Variants in NECTIN1 observed in about 807,000 individuals in gnomAD.
NECTIN1 encodes nectin cell adhesion molecule 1.
In NECTIN1, 23 loss-of-function variants were observed where a neutral mutation model predicts 48.0. The observed-to-expected ratio is 0.48, with a 90% confidence interval of 0.34 to 0.68. The LOEUF is 0.68. NECTIN1 is among the 30% of genes least tolerant of loss of function. NECTIN1 has a pLI of 0.01. For synonymous variants in NECTIN1, 270 were observed against 288.9 expected (o/e 0.93, Z 0.66); for missense variants, 591 against 709.9 (o/e 0.83, Z 1.90).
rs189774675 is a variant in NECTIN1 at position 119,661,084 on chromosome 11, G to T, written c.*3663C>A. 1.7e-5 allele frequency: 17 copies of T among 982,542 alleles called. No individual in the cohort carries two copies. The African/African-American group carries it at 2.8e-4, about 16-fold the overall frequency. The allele number at this position is 982,542 out of a possible 1,614,324, so 60.9% of individuals were successfully genotyped here. On this transcript the variant is annotated 3_prime_UTR_variant, in exon 6 of 6. Coordinates refer to ENST00000264025, the MANE Select transcript of NECTIN1 (RefSeq NM_002855.5). ...TTTTTTTTAATACAAGTAAAAGGGG[G>T]TGATGCAAACACCCCCCAGGTCAGA...
At chr11:119,710,340 C>T (rs542228051) in intron 1 of NECTIN1, among the ~76,000 whole-genome samples, 1 of 152,288 alleles carries the variant, frequency 6.6e-6, no homozygotes, top group South Asian at 2.1e-4. Flanking sequence ...CTTTGGAAAA[C>T]CAAGCAAGCA....
intron 1 of NECTIN1, among the ~76,000 whole-genome samples, chr11:119,707,860 C>T (rs1481146546): frequency 2.0e-5 from 3 of 152,210 alleles, no homozygotes; most frequent in Non-Finnish European, 4.4e-5. Context: ...CTTTAATTCA[C>T]AAAGCATTAC....
intron 1 of NECTIN1, chr11:119,687,190 T>C (rs1168592306): frequency 1.3e-5 from 2 of 152,052 alleles, no homozygotes; most frequent in Non-Finnish European, 2.9e-5. Flanking sequence ...CGACTTCTGC[T>C]TGCTTCCCCG....
chr11:119,685,892 A>G (rs1865146437), intron 1 of NECTIN1, among the ~76,000 whole-genome samples: 1 of 152,098 alleles, frequency 6.6e-6, no homozygotes, highest in African/African-American at 2.4e-5. Context: ...AATGGGGAAT[A>G]TTGGCTCTGA....
chr11:119,653,418 G>A (rs1470865459), intron 5 of NECTIN1, among the ~76,000 whole-genome samples: 3 of 152,182 alleles, frequency 2.0e-5, no homozygotes, highest in Non-Finnish European at 2.9e-5. Context: ...GCTGGCCTCA[G>A]TGTCCCCTGC....
intron 1 of NECTIN1, among the ~76,000 whole-genome samples, chr11:119,681,376 T>C (rs538977935): frequency 2.6e-5 from 4 of 152,284 alleles, no homozygotes; most frequent in African/African-American, 9.6e-5. Flanking sequence ...ATTGGTGCCA[T>C]GCATGGATTG....
At chr11:119,639,361 C>A in intron 6 of NECTIN1, 1 of 196,450 alleles carries the variant, frequency 5.1e-6, no homozygotes, top group Non-Finnish European at 1.1e-5. Context: ...ACAATGTGGA[C>A]GTTTTGTTCA....
At chr11:119,714,412 C>T (rs751779548) in intron 1 of NECTIN1, among the ~76,000 whole-genome samples, 6 of 152,192 alleles carry the variant, frequency 3.9e-5, no homozygotes, top group Non-Finnish European at 8.8e-5. Flanking sequence ...GCCAGGTCAC[C>T]CCACCTGCAG....
chr11:119,729,144 C>G lies in NECTIN1; in HGVS notation c.-591G>C, dbSNP rs1206958363. On this transcript the variant is annotated 5_prime_UTR_variant, in exon 1 of 6. Transcript: ENST00000264025. ...GCGCGTCCCAGCCGCCGCCGCTCTGCCGGGTGCCGGCGATCCGCAACAATG... is the reference window on the plus strand; with the variant it reads ...GCGCGTCCCAGCCGCCGCCGCTCTGGCGGGTGCCGGCGATCCGCAACAATG... 1 of 151,892 alleles carries G rather than the reference C, an allele frequency of 6.6e-6. No homozygotes were observed. Among genetic ancestry groups the G allele is most frequent in the Non-Finnish European group, 1.5e-5 (1 of 67,948 alleles). 9.4% of individuals were successfully genotyped at this position (151,892 alleles called of 1,614,324 possible). A position where few individuals can be genotyped will look rare whatever the true frequency, so the allele number is the denominator to read the frequency against.
In NECTIN1 at chr11:119,665,043, C is replaced by T. The variant is rs755806347; in HGVS notation, c.1258G>A (p.Asp420Asn). Residue 420 changes from aspartate (D) to asparagine (N), a missense_variant, in exon 6 of 6, where the codon GAC (aspartate) becomes AAC (asparagine). Physicochemically the swap from Asp to Asn is conservative, Grantham distance 23. Transcript: ENST00000264025. The surrounding 1 kb of genome is among the most constrained non-coding windows in gnomAD (Gnocchi z 5.1). ...GCCTTCTTCTCGTCGTCTGAGTCGT[C>T]GGGGTACTGCAGGTTCTGTGCCATT... is the stretch of plus-strand genomic sequence containing the variant. ...PPMAQNLQYP[D>N]DSDDEKKAGP... The T allele has an allele frequency of 9.9e-6, 16 of 1,613,866 alleles. No individual in the cohort carries two copies. The highest frequency in any genetic ancestry group is 3.3e-5 in the South Asian group (3 of 91,078).
chr11:119,649,036 A>G (rs1040721561), intron 5 of NECTIN1, among the ~76,000 whole-genome samples: 2 of 152,182 alleles, frequency 1.3e-5, no homozygotes, highest in Non-Finnish European at 2.9e-5. Context: ...TTCAAGGCCA[A>G]TGGAGACAAT....
At chr11:119,691,397 G>A (rs1408671265) in intron 1 of NECTIN1, among the ~76,000 whole-genome samples, 3 of 152,246 alleles carry the variant, frequency 2.0e-5, no homozygotes, top group Non-Finnish European at 4.4e-5. Context: ...CCCCCATCCT[G>A]AGGTGGGCGG....
At chr11:119,670,644 CTTTT>C (rs56350355) in intron 5 of NECTIN1, among the ~76,000 whole-genome samples, 1 of 113,888 alleles carries the variant, frequency 8.8e-6, no homozygotes, top group Non-Finnish European at 1.7e-5. Flanking sequence ...TTCCTAAGTC[CTTTT>C]TTTTTTTTTT....
intron 5 of NECTIN1, among the ~76,000 whole-genome samples, chr11:119,674,011 GC>G (rs1481476919): frequency 2.0e-5 from 3 of 152,220 alleles, no homozygotes; most frequent in African/African-American, 7.2e-5. Context: ...GGACAGGTAG[GC>G]GCAGACCCTG....
chr11:119,714,776 G>T (rs746624189), intron 1 of NECTIN1, among the ~76,000 whole-genome samples: 21 of 151,988 alleles, frequency 1.4e-4, no homozygotes, highest in Non-Finnish European at 2.5e-4. Context: ...GTGGGAAAGG[G>T]ATAGAGGGAG....
Position 119,638,370 on chromosome 11 carries a change from C to T in NECTIN1, c.1228-123G>A, listed in dbSNP as rs1052825997. ...CATGCACCCCCATTCTGGCATCCCC[C>T]ACACTGGTGACTGTCTTGGAGGGCA... On this transcript the variant is annotated intron_variant, in intron 7 of 7. Coordinates refer to the NECTIN1 transcript ENST00000341398. 4.1e-5 allele frequency: 52 copies of T among 1,279,962 alleles called. No individual in the cohort carries two copies. In the African/African-American group the frequency reaches 6.3e-4, roughly 16 times the overall value. The allele number at this position is 1,279,962 out of a possible 1,614,324, so 79.3% of individuals were successfully genotyped here. A position where few individuals can be genotyped will look rare whatever the true frequency, so the allele number is the denominator to read the frequency against.
chr11:119,673,444 C>G lies in NECTIN1; in HGVS notation c.1003+1715G>C, dbSNP rs1229870027. ...GCCCTCCTGCCCCCAGCCCACACCCCTCACATGTTGATAGCCCACCATCAG... is the reference window on the plus strand; with the variant it reads ...GCCCTCCTGCCCCCAGCCCACACCCGTCACATGTTGATAGCCCACCATCAG... On this transcript the variant is annotated intron_variant, in intron 5 of 5. Transcript: ENST00000264025. The surrounding 1 kb of genome is among the most constrained non-coding windows in gnomAD (Gnocchi z 5.8). Among the ~76,000 whole-genome samples the G allele has an allele frequency of 6.6e-6, 1 of 152,212 alleles. No individual in the cohort carries two copies. The highest frequency in any genetic ancestry group is 1.5e-5 in the Non-Finnish European group (1 of 68,022).
At chr11:119,728,081 C>A (rs1180971961) in intron 1 of NECTIN1, among the ~76,000 whole-genome samples, 1 of 152,254 alleles carries the variant, frequency 6.6e-6, no homozygotes, top group East Asian at 1.9e-4. Flanking sequence ...CGCCCTCCCC[C>A]TGGGGCTGTT....
chr11:119,686,872 T>G (rs1452576005), intron 1 of NECTIN1, among the ~76,000 whole-genome samples: 2 of 152,052 alleles, frequency 1.3e-5, no homozygotes, highest in East Asian at 3.9e-4. Context: ...CATACGGAGT[T>G]TGGAAAAGGC....
Sources: allele counts gnomAD v4.1 joint callset (sites outside exome capture counted in the v4.1 genomes callset), GRCh38; gene constraint gnomAD v4.1.1; non-coding constraint Gnocchi (gnomAD v3.1); transcripts MANE v1.5; gene names NCBI Gene and HGNC (gene_info 2026-07-23, HGNC 2026-07-21).